Variants in PSD3 observed in about 807,000 individuals in gnomAD.
PSD3 encodes PH and SEC7 domain-containing protein 3.
A neutral mutation model predicts 105.5 loss-of-function variants in PSD3; 49 were observed. That is an observed-to-expected ratio of 0.46 (90% CI 0.37 to 0.59). The LOEUF (loss-of-function observed/expected upper bound fraction) is 0.59, where lower values mean the gene tolerates loss of function less well. Ranked by LOEUF, PSD3 falls within the 20% of genes least tolerant of loss-of-function variation. The pLI is 0.00. For synonymous variants in PSD3, 557 were observed against 457.8 expected (o/e 1.22, Z -2.77); for missense variants, 1,561 against 1,263.8 (o/e 1.24, Z -3.57).
At chr8:18,680,814 G>A (rs1800344262) in intron 9 of PSD3, among the ~76,000 whole-genome samples, 3 of 151,950 alleles carry the variant, frequency 2.0e-5, no homozygotes. Context: ...ATAAAGTACT[G>A]GAAAATTCAA....
intron 8 of PSD3, among the ~76,000 whole-genome samples, chr8:18,793,183 G>A (rs1809887539): frequency 6.6e-6 from 1 of 152,096 alleles, no homozygotes; most frequent in South Asian, 2.1e-4. Context: ...GGGGTGGGGA[G>A]AGGGAGGAGG....
rs140374192 is a variant in PSD3, at chr8:18,606,277, G to C, written c.2411-5843C>G. Reference sequence around the variant, plus strand: ...TCATATTCTCCATCTCTCTGTACTTGTGTGCTAAATGCTGTGTAATTTTAT... The same window carrying C: ...TCATATTCTCCATCTCTCTGTACTTCTGTGCTAAATGCTGTGTAATTTTAT... On this transcript the variant is annotated intron_variant, in intron 11 of 15. Transcript: ENST00000327040. Among the ~76,000 whole-genome samples, 799 of 151,838 alleles carry C rather than the reference G, an allele frequency of 5.3e-3. 6 individuals carry two copies. The highest frequency in any genetic ancestry group is 0.018 in the African/African-American group (763 of 41,372).
chr8:18,886,489 A>T (rs976815625), intron 2 of PSD3, among the ~76,000 whole-genome samples: 3 of 152,212 alleles, frequency 2.0e-5, no homozygotes, highest in Non-Finnish European at 4.4e-5. Flanking sequence ...CTCGAAAGAC[A>T]AGACTAGTAA....
At chr8:18,942,726 G>GCAAC (rs1178329840) in intron 1 of PSD3, among the ~76,000 whole-genome samples, 2 of 152,104 alleles carry the variant, frequency 1.3e-5, no homozygotes, top group African/African-American at 4.8e-5. Flanking sequence ...TCAGAAGAAA[G>GCAAC]CAACCCTTCC....
At chr8:18,826,400 G>C (rs139171368) in intron 4 of PSD3, among the ~76,000 whole-genome samples, 33 of 152,272 alleles carry the variant, frequency 2.2e-4, no homozygotes, top group African/African-American at 7.2e-4. Flanking sequence ...ACATGAACTG[G>C]ACCCAAAGAG....
intron 1 of PSD3, chr8:19,000,492 C>T (rs569712960): frequency 1.4e-5 from 2 of 141,702 alleles, no homozygotes; most frequent in South Asian, 2.5e-4. Context: ...GTGAACACAG[C>T]CTAAGCCTTT....
chr8:18,611,263 A>AG (rs1340808186), intron 11 of PSD3, among the ~76,000 whole-genome samples: 1 of 152,114 alleles, frequency 6.6e-6, no homozygotes, highest in African/African-American at 2.4e-5. Context: ...AAAAAAAAAA[A>AG]AAAAAGGTTT....
chr8:18,765,247 T>A (rs1413022292), intron 9 of PSD3, among the ~76,000 whole-genome samples: 1 of 152,232 alleles, frequency 6.6e-6, no homozygotes, highest in Admixed American at 6.5e-5. Context: ...TATTATTGAT[T>A]ATAATGCAGA....
At chr8:18,857,229 T>C (rs1816082260) in intron 4 of PSD3, among the ~76,000 whole-genome samples, 1 of 152,198 alleles carries the variant, frequency 6.6e-6, no homozygotes, top group Admixed American at 6.5e-5. Flanking sequence ...AACTTTGTAT[T>C]CTGCCTCTAA....
intron 2 of PSD3, among the ~76,000 whole-genome samples, chr8:18,888,530 G>T (rs1818579132): frequency 6.6e-6 from 1 of 151,524 alleles, no homozygotes; most frequent in South Asian, 2.1e-4. Context: ...AGGACTAAAT[G>T]AACTGTACAT....
chr8:18,748,212 C>T (rs1201505781), intron 9 of PSD3, among the ~76,000 whole-genome samples: 7 of 152,312 alleles, frequency 4.6e-5, no homozygotes, highest in African/African-American at 1.2e-4. Context: ...TGGGCAGTTA[C>T]ATCCTTTGTA....
At chr8:18,792,894 C>G (rs1283866638) in intron 8 of PSD3, among the ~76,000 whole-genome samples, 1 of 152,178 alleles carries the variant, frequency 6.6e-6, no homozygotes, top group Non-Finnish European at 1.5e-5. Flanking sequence ...TATTGCGGCA[C>G]TATTCACAAT....
chr8:18,865,153 C>A (rs1185106710), intron 4 of PSD3: 2 of 147,738 alleles, frequency 1.4e-5, no homozygotes, highest in Non-Finnish European at 3.0e-5. Context: ...AATTCTACTA[C>A]GGTATCTGTC....
intron 9 of PSD3, among the ~76,000 whole-genome samples, chr8:18,659,456 GT>G (rs1277230806): frequency 3.3e-5 from 5 of 152,144 alleles, no homozygotes; most frequent in African/African-American, 4.8e-5. Flanking sequence ...GAAATCCCAT[GT>G]TAATTAACTT....
At chr8:19,067,986 T>C (rs1586688344) in intron 1 of PSD3, among the ~76,000 whole-genome samples, 2 of 152,176 alleles carry the variant, frequency 1.3e-5, no homozygotes, top group Admixed American at 1.3e-4. Context: ...TGGGAAGTGA[T>C]TTCTGATCAA....
chr8:18,599,822 A>G (rs1804302797), intron 12 of PSD3, among the ~76,000 whole-genome samples: 1 of 152,130 alleles, frequency 6.6e-6, no homozygotes, highest in Non-Finnish European at 1.5e-5. Context: ...TCCTGGAGCC[A>G]ATCTGTTGTG....
chr8:18,687,066 T>C (rs755378655), intron 9 of PSD3, among the ~76,000 whole-genome samples: 7 of 152,174 alleles, frequency 4.6e-5, no homozygotes, highest in Non-Finnish European at 7.3e-5. Flanking sequence ...AAACAGAACC[T>C]GGTGAAGAGC....
chr8:18,656,359 C>CTTT (rs34369920), intron 9 of PSD3, among the ~76,000 whole-genome samples: 54 of 147,428 alleles, frequency 3.7e-4, no homozygotes, highest in South Asian at 6.4e-4. Flanking sequence ...TGTCTGGCTG[C>CTTT]TTTTTTTTTT....
At chr8:18,685,233 T>C (rs1421379265) in intron 9 of PSD3, among the ~76,000 whole-genome samples, 1 of 152,158 alleles carries the variant, frequency 6.6e-6, no homozygotes, top group Non-Finnish European at 1.5e-5. Context: ...TGAGCATTAT[T>C]TGAGATAATT....
Sources: allele counts gnomAD v4.1 joint callset (sites outside exome capture counted in the v4.1 genomes callset), GRCh38; gene constraint gnomAD v4.1.1; transcripts MANE v1.5; gene names NCBI Gene and HGNC (gene_info 2026-07-23, HGNC 2026-07-21).